Variants in NUCKS1 observed in about 807,000 individuals in gnomAD.
The protein encoded by NUCKS1 is nuclear casein kinase and cyclin dependent kinase substrate 1.
A neutral mutation model predicts 33.0 loss-of-function variants in NUCKS1; 2 were observed. That is an observed-to-expected ratio of 0.06 (90% CI 0.02 to 0.19). NUCKS1 has a LOEUF of 0.19. Among genes scored for constraint, NUCKS1 ranks in the 10% least tolerant of loss-of-function variants. The pLI is 1.00. For synonymous variants in NUCKS1, 106 were observed against 102.8 expected, an observed-to-expected ratio of 1.03 and a Z score of -0.19; for missense variants, 201 against 293.6, an observed-to-expected ratio of 0.68 and a Z score of 2.31.
In NUCKS1 at chr1:205,722,926, C is replaced by T. The variant is rs563005109; in HGVS notation, c.229+1000G>A. Among the ~76,000 whole-genome samples the T allele has an allele frequency of 5.7e-4, 87 of 152,228 alleles. 1 individual carries two copies. Among genetic ancestry groups the T allele is most frequent in the Non-Finnish European group, 1.2e-3 (79 of 68,018 alleles). The stretch of plus-strand genomic sequence containing the variant: ...CAGAATAAAGCTGACATGGCCGACC[C>T]AAAACTAAACCCACTTGGTAGAAGC... On this transcript the variant is annotated intron_variant, in intron 4 of 6. Transcript: ENST00000367142.
rs945081075 is a variant in NUCKS1 at position 205,733,011 on chromosome 1, TA to T, written c.18-3391del. Among the ~76,000 whole-genome samples, 23 of 151,602 alleles carry T rather than the reference TA, an allele frequency of 1.5e-4. No individual in the cohort carries two copies. In the Middle Eastern group the frequency reaches 0.017, roughly 112 times the overall value. On this transcript the variant is annotated intron_variant, in intron 1 of 6. Transcript: ENST00000367142. ...CGACCATTTTCTGTATTATTTAGGA[TA>T]AAAAAAATGGGTCATAGAACCAGGG...
intron 6 of NUCKS1, 140 bp downstream of exon 6, chr1:205,719,387 T>C (rs1370932072): frequency 2.4e-6 from 2 of 827,264 alleles, no homozygotes; most frequent in Non-Finnish European, 3.8e-6. Context: ...AGTTGCAGAA[T>C]ACAAGACCCT....
intron 1 of NUCKS1, among the ~76,000 whole-genome samples, chr1:205,743,933 C>G (rs1654246508): frequency 6.6e-6 from 1 of 152,074 alleles, no homozygotes; most frequent in Non-Finnish European, 1.5e-5. Flanking sequence ...CTTTAGGTGG[C>G]TTTGGAATCA....
intron 1 of NUCKS1, among the ~76,000 whole-genome samples, chr1:205,742,416 A>AT (rs1654198615): frequency 6.6e-6 from 1 of 152,242 alleles, no homozygotes; most frequent in African/African-American, 2.4e-5. Flanking sequence ...ACATGGCAAT[A>AT]TAACTGTATA....
At chr1:205,724,473 T>G (rs823108) in intron 3 of NUCKS1, among the ~76,000 whole-genome samples, 1 of 152,238 alleles carries the variant, frequency 6.6e-6, no homozygotes, top group South Asian at 2.1e-4. Flanking sequence ...GTAGGCAGAT[T>G]GCTGGAGGCC....
At chr1:205,747,419 T>C (rs948368789) in intron 1 of NUCKS1, among the ~76,000 whole-genome samples, 3 of 152,222 alleles carry the variant, frequency 2.0e-5, no homozygotes, top group Non-Finnish European at 1.5e-5. Context: ...AGCAATCTTG[T>C]ATGAACAAAG....
intron 1 of NUCKS1, among the ~76,000 whole-genome samples, chr1:205,748,751 C>T (rs1314119579): frequency 6.6e-6 from 1 of 152,214 alleles, no homozygotes; most frequent in African/African-American, 2.4e-5. Flanking sequence ...ATTAAAGGTA[C>T]TTCCGTTTCC....
chr1:205,718,165 C>A lies in NUCKS1; in HGVS notation c.*115G>T, dbSNP rs1264342677. 4 of 1,374,864 alleles carry A rather than the reference C, an allele frequency of 2.9e-6. No individual in the cohort carries two copies. The East Asian group carries it at 1.1e-4, about 38-fold the overall frequency. 85.2% of individuals were successfully genotyped at this position (1,374,864 alleles called of 1,614,324 possible). A position where few individuals can be genotyped will look rare whatever the true frequency, so the allele number is the denominator to read the frequency against. ...AAAAAAGCACTGAAAGCCCATGAGT[C>A]AAGCCATAGCCAAAACCATGTTCTA... On this transcript the variant is annotated 3_prime_UTR_variant, in exon 7 of 7. Transcript: ENST00000367142.
chr1:205,749,865 G>A, intron 1 of NUCKS1, 92 bp downstream of exon 1: 1 of 1,368,100 alleles, frequency 7.3e-7, no homozygotes, highest in Non-Finnish European at 1.0e-6. Flanking sequence ...CGGCACCGGG[G>A]ATGGCGGACT....
At chr1:205,732,778 T>C (rs1653945642) in intron 1 of NUCKS1, among the ~76,000 whole-genome samples, 1 of 14,230 alleles carries the variant, frequency 7.0e-5, no homozygotes, top group Non-Finnish European at 3.5e-4. Flanking sequence ...AGACTCTGTC[T>C]CAAAAAAAAA....
rs551812416 is a variant in NUCKS1 at position 205,718,440 on chromosome 1, C to T, written c.572G>A (p.Arg191His). ...SPVKGKGKVG[R>H]PTASKASKEK... is the part of the protein sequence containing the mutation. ...CTTTGATGCCTTTGAAGCTGTGGGG[C>T]GACCCACTTTCCCTTTGCCTTTCAC... The change falls in exon 7 of 7, where the codon CGC becomes CAC. Residue 191 changes from arginine to histidine, a missense_variant. Transcript: ENST00000367142. The T allele has an allele frequency of 1.3e-5, 21 of 1,612,276 alleles. No individual in the cohort carries two copies. Among genetic ancestry groups the T allele is most frequent in the East Asian group, 2.2e-5 (1 of 44,868 alleles).
chr1:205,718,419 G>A lies in NUCKS1; in HGVS notation c.593C>T (p.Ser198Leu). The change falls in exon 7 of 7, where the codon TCA becomes TTA. Residue 198 changes from serine to leucine, a missense_variant. By Grantham distance (145) the Ser-to-Leu change is moderately radical (BLOSUM62 -2). Transcript: ENST00000367142. ...KVGRPTASKA[S>L]KEKTPSPKEE... is the part of the protein sequence containing the mutation. ...TTTGGGAGAAGGAGTCTTTTCCTTT[G>A]ATGCCTTTGAAGCTGTGGGGCGACC... The A allele has an allele frequency of 6.2e-7, 1 of 1,612,636 alleles. No homozygotes were observed. The highest frequency in any genetic ancestry group is 8.5e-7 in the Non-Finnish European group (1 of 1,179,850).
chr1:205,729,725 T>C lies in NUCKS1; in HGVS notation c.18-104A>G, dbSNP rs556120501. The C allele has an allele frequency of 2.9e-4, 258 of 895,540 alleles. 1 individual carries two copies. The South Asian group carries it at 3.5e-3, about 12-fold the overall frequency. The allele number at this position is 895,540 out of a possible 1,614,324, so 55.5% of individuals were successfully genotyped here. ...CATAAACAGAACTGAACTAGCACTT[T>C]GAAAATTATTTAATTGCTGGACGTG... On this transcript the variant is annotated intron_variant, in intron 1 of 6. Coordinates refer to ENST00000367142, the MANE Select transcript of NUCKS1 (RefSeq NM_022731.5).
At chr1:205,745,567 T>C (rs1454610528) in intron 1 of NUCKS1, among the ~76,000 whole-genome samples, 6 of 152,254 alleles carry the variant, frequency 3.9e-5, no homozygotes, top group Admixed American at 6.5e-5. Context: ...TTGGCTGTTT[T>C]TCCTAAAATG....
intron 1 of NUCKS1, among the ~76,000 whole-genome samples, chr1:205,746,256 T>C (rs771143439): frequency 9.2e-5 from 14 of 152,042 alleles, no homozygotes; most frequent in Middle Eastern, 6.8e-3. Flanking sequence ...GATTGCACCA[T>C]TGCACTCCCG....
At position 205,750,065 on chromosome 1, in the gene NUCKS1, G is replaced by C; in HGVS notation, c.-92C>G. 1.7e-6 allele frequency: 2 copies of C among 1,154,644 alleles called. No individual in the cohort carries two copies. The highest frequency in any genetic ancestry group is 2.3e-6 in the Non-Finnish European group (2 of 878,514). The allele number at this position is 1,154,644 out of a possible 1,614,324, so 71.5% of individuals were successfully genotyped here. A position where few individuals can be genotyped will look rare whatever the true frequency, so the allele number is the denominator to read the frequency against. ...GGCGCCCCACCCCCCCCGAACTTCAGCCGATGGGACCGCTGCTGCCGAACC... is the reference window on the plus strand; with the variant it reads ...GGCGCCCCACCCCCCCCGAACTTCACCCGATGGGACCGCTGCTGCCGAACC... On this transcript the variant is annotated 5_prime_UTR_variant, in exon 1 of 7. Transcript: ENST00000367142.
chr1:205,739,927 C>T (rs1266642342), intron 1 of NUCKS1, among the ~76,000 whole-genome samples: 1 of 150,824 alleles, frequency 6.6e-6, no homozygotes, highest in African/African-American at 2.4e-5. Context: ...TTTATCTTGA[C>T]CTTCAAGTTC....
chr1:205,737,270 T>C (rs1207058369), intron 1 of NUCKS1, among the ~76,000 whole-genome samples: 1 of 152,222 alleles, frequency 6.6e-6, no homozygotes, highest in African/African-American at 2.4e-5. Context: ...CAGTGGACTA[T>C]ATATTGTAAT....
At chr1:205,745,525 T>C (rs1284392557) in intron 1 of NUCKS1, among the ~76,000 whole-genome samples, 4 of 151,996 alleles carry the variant, frequency 2.6e-5, no homozygotes, top group East Asian at 1.9e-4. Context: ...ATTTTAAATA[T>C]TGAGTTGAGC....
Sources: gnomAD v4.1 joint callset for allele counts (sites outside exome capture counted in the v4.1 genomes callset) on GRCh38, gnomAD v4.1.1 for gene constraint, MANE v1.5 for transcripts, NCBI Gene and HGNC (gene_info 2026-07-23, HGNC 2026-07-21) for gene names.